Variants in LAPTM5 observed in about 807,000 individuals in gnomAD.
LAPTM5 encodes the protein lysosomal-associated transmembrane protein 5.
Under a neutral mutation model 30.1 loss-of-function variants are expected in LAPTM5, and 11 were observed. The observed-to-expected ratio is 0.37, with a 90% CI of 0.23 to 0.60. The LOEUF (loss-of-function observed/expected upper bound fraction) is 0.60, where lower values mean the gene tolerates loss of function less well. Among genes scored for constraint, LAPTM5 ranks in the 20% least tolerant of loss-of-function variants. The pLI is 0.71. For missense variants in LAPTM5, 324 were observed against 332.5 expected, an observed-to-expected ratio of 0.97 and a Z score of 0.20; for synonymous variants, 151 against 137.9, an observed-to-expected ratio of 1.10 and a Z score of -0.67.
rs200965667 is a variant in LAPTM5 at position 30,747,948 on chromosome 1, G to A, written c.88-5399C>T. On this transcript the variant is annotated intron_variant, in intron 1 of 7. Coordinates refer to ENST00000294507, the MANE Select transcript of LAPTM5 (RefSeq NM_006762.3). The stretch of plus-strand genomic sequence containing the variant: ...ACAGTGATGGGGGTGACGGCAATGG[G>A]GACATCAGGATAGGATGGTGATAAG... Among the ~76,000 whole-genome samples the A allele has an allele frequency of 4.6e-5, 7 of 152,152 alleles. No homozygotes were observed. The East Asian group carries it at 7.7e-4, about 17-fold the overall frequency.
At position 30,738,876 on chromosome 1, in the gene LAPTM5, G is replaced by A. The variant is rs961966544; in HGVS notation, c.510+64C>T. The A allele has an allele frequency of 1.1e-5, 17 of 1,520,950 alleles. 1 individual carries two copies. Among genetic ancestry groups the A allele is most frequent in the South Asian group, 3.6e-5 (3 of 83,350 alleles). The allele number at this position is 1,520,950 out of a possible 1,614,324, so 94.2% of individuals were successfully genotyped here. A position where few individuals can be genotyped will look rare whatever the true frequency, so the allele number is the denominator to read the frequency against. ...GCCTAAACCACAGACACACAGAGACGTGAAGTAACCTGTTCAAGGCCACAC... is the reference window on the plus strand; with the variant it reads ...GCCTAAACCACAGACACACAGAGACATGAAGTAACCTGTTCAAGGCCACAC... On this transcript the variant is annotated intron_variant, in intron 5 of 7. Coordinates refer to ENST00000294507, the MANE Select transcript of LAPTM5 (RefSeq NM_006762.3).
rs912484962 is a variant in LAPTM5, at chr1:30,751,369, T to C, written c.87+6290A>G. Among the ~76,000 whole-genome samples the C allele has an allele frequency of 3.9e-5, 6 of 152,386 alleles. No homozygotes were observed. The East Asian group carries it at 7.7e-4, about 20-fold the overall frequency. ...CACTGGACATAAAGGTGGCAAGTTC[T>C]AACAGATTCTCACCCAGGGTTTTCC... is the stretch of plus-strand genomic sequence containing the variant. On this transcript the variant is annotated intron_variant, in intron 1 of 7. Transcript: ENST00000294507.
At position 30,733,905 on chromosome 1, in the gene LAPTM5, A is replaced by C. The variant is rs1221466956; in HGVS notation, c.712T>G (p.Ser238Ala). ...SKMLQKVVLP[S>A]YEEALSLPSK... ...GGCAAAGACAGGGCTTCCTCGTAGG[A>C]CGGCAGGACCACCTGGGAGAGACAG... The change falls in exon 8 of 8, where the codon TCC becomes GCC. Residue 238 changes from serine (S) to alanine (A), a missense_variant. Coordinates refer to ENST00000294507, the MANE Select transcript of LAPTM5 (RefSeq NM_006762.3). The C allele has an allele frequency of 6.2e-7, 1 of 1,611,304 alleles. No homozygotes were observed. The highest frequency in any genetic ancestry group is 8.5e-7 in the Non-Finnish European group (1 of 1,179,418).
chr1:30,736,930 C>T (rs895648786), intron 6 of LAPTM5, among the ~76,000 whole-genome samples: 1 of 152,128 alleles, frequency 6.6e-6, no homozygotes, highest in African/African-American at 2.4e-5. Flanking sequence ...CAGTCAGGTC[C>T]CCCTTGAGTC....
At chr1:30,754,656 G>A (rs758999171) in intron 1 of LAPTM5, among the ~76,000 whole-genome samples, 10 of 152,354 alleles carry the variant, frequency 6.6e-5, no homozygotes, top group Non-Finnish European at 1.3e-4. Context: ...CCCAAAGTGT[G>A]CAAGTTTGGG....
At chr1:30,742,283 A>C in intron 2 of LAPTM5, 173 bp downstream of exon 2, 1 of 602,820 alleles carries the variant, frequency 1.7e-6, no homozygotes, top group Non-Finnish European at 3.0e-6. Flanking sequence ...CAGGTGGAAC[A>C]TCCCCATTTG....
chr1:30,741,272 G>A (rs1639967118), intron 3 of LAPTM5, among the ~76,000 whole-genome samples: 1 of 152,106 alleles, frequency 6.6e-6, no homozygotes, highest in African/African-American at 2.4e-5. Flanking sequence ...ACAAAATCCA[G>A]TGCTTTCTCC....
intron 5 of LAPTM5, 75 bp downstream of exon 5, chr1:30,738,865 C>T (rs1639926314): frequency 1.3e-6 from 2 of 1,487,178 alleles, no homozygotes; most frequent in Non-Finnish European, 1.8e-6. Context: ...AAACCACAGA[C>T]ACACAGAGAC....
chr1:30,757,234 C>T (rs1467215457), intron 1 of LAPTM5, among the ~76,000 whole-genome samples: 1 of 152,186 alleles, frequency 6.6e-6, no homozygotes, highest in Non-Finnish European at 1.5e-5. Context: ...GCTGTGTCTG[C>T]GGCCGACCTC....
intron 1 of LAPTM5, among the ~76,000 whole-genome samples, chr1:30,757,284 G>T (rs1232770825): frequency 6.6e-6 from 1 of 152,218 alleles, no homozygotes; most frequent in Non-Finnish European, 1.5e-5. Context: ...TTCCTCCCAA[G>T]ATCCCTGCCT....
chr1:30,737,579 A>G (rs1482349695), intron 6 of LAPTM5, 25 bp downstream of exon 6: 9 of 1,561,526 alleles, frequency 5.8e-6, no homozygotes, highest in Non-Finnish European at 7.1e-6. Flanking sequence ...CCCCTCCCAG[A>G]GCCGCAGGGC....
At chr1:30,752,940 T>C (rs1449758998) in intron 1 of LAPTM5, among the ~76,000 whole-genome samples, 2 of 152,176 alleles carry the variant, frequency 1.3e-5, no homozygotes, top group Non-Finnish European at 2.9e-5. Context: ...CCGCGTAGCT[T>C]GGACTACAGG....
At chr1:30,754,779 C>A (rs950464684) in intron 1 of LAPTM5, among the ~76,000 whole-genome samples, 16 of 152,152 alleles carry the variant, frequency 1.1e-4, no homozygotes, top group African/African-American at 2.9e-4. Context: ...CTCAATAGAG[C>A]GTGGCACTGT....
chr1:30,740,690 C>T (rs143813905), intron 3 of LAPTM5, among the ~76,000 whole-genome samples: 2 of 152,270 alleles, frequency 1.3e-5, no homozygotes, highest in African/African-American at 4.8e-5. Context: ...CAGGGACCAC[C>T]TGCTCCATTT....
chr1:30,743,232 C>A (rs762182190), intron 1 of LAPTM5, among the ~76,000 whole-genome samples: 1 of 152,302 alleles, frequency 6.6e-6, no homozygotes. Context: ...TATCCCCATT[C>A]GACTGTAGGT....
intron 2 of LAPTM5, 152 bp from the exon 3 acceptor site, chr1:30,741,868 T>G: frequency 1.8e-6 from 1 of 541,456 alleles, no homozygotes; most frequent in Non-Finnish European, 3.3e-6. Context: ...GAGTCTGGAG[T>G]GAGTACAAAG....
In LAPTM5 at chr1:30,737,595, T is replaced by A. The variant is rs140232148; in HGVS notation, c.606+9A>T. 50 of 1,601,566 alleles carry A rather than the reference T, an allele frequency of 3.1e-5. 1 individual carries two copies. In the African/African-American group the frequency reaches 6.2e-4, roughly 20 times the overall value. On this transcript the variant is annotated intron_variant, in intron 6 of 7. Transcript: ENST00000294507. Reference sequence around the variant, plus strand: ...CCCTCCCAGAGCCGCAGGGCAGGGATCCACTCACCTTGAAGATAAGGACAG... The same window carrying A: ...CCCTCCCAGAGCCGCAGGGCAGGGAACCACTCACCTTGAAGATAAGGACAG...
chr1:30,749,924 G>T (rs1186634707), intron 1 of LAPTM5, among the ~76,000 whole-genome samples: 1 of 152,048 alleles, frequency 6.6e-6, no homozygotes, highest in Non-Finnish European at 1.5e-5. Flanking sequence ...TTTGGCAGGG[G>T]TGGGGCCTCT....
At chr1:30,734,083 G>A (rs1441792603) in intron 7 of LAPTM5, among the ~76,000 whole-genome samples, 166 bp from the exon 8 acceptor site, 3 of 152,196 alleles carry the variant, frequency 2.0e-5, no homozygotes, top group African/African-American at 4.8e-5. Flanking sequence ...TGAGATAGGT[G>A]CAGTTCCCAG....
Sources: allele counts gnomAD v4.1 joint callset (sites outside exome capture counted in the v4.1 genomes callset), GRCh38; gene constraint gnomAD v4.1.1; transcripts MANE v1.5; gene names NCBI Gene and HGNC (gene_info 2026-07-23, HGNC 2026-07-21).